Variants in FASTKD1 observed in about 807,000 individuals in gnomAD.
FASTKD1 encodes FAST kinase domains 1.
FASTKD1 carries 94 observed loss-of-function variants against 90.9 expected under a neutral mutation model. The ratio of observed to expected loss-of-function variants is 1.03; its 90% CI spans 0.88 to 1.23. The LOEUF (loss-of-function observed/expected upper bound fraction) is 1.23. FASTKD1 is among the 50% of genes most tolerant of loss of function. The pLI is 0.00. For synonymous variants in FASTKD1, 319 were observed against 345.8 expected, an observed-to-expected ratio of 0.92 and a Z score of 0.86; for missense variants, 945 against 993.5, an observed-to-expected ratio of 0.95 and a Z score of 0.66.
At chr2:169,544,629 G>A (rs964652256) in intron 9 of FASTKD1, 92 bp downstream of exon 9, 1 of 738,568 alleles carries the variant, frequency 1.4e-6, no homozygotes, top group African/African-American at 1.8e-5. Context: ...GTCTATTATG[G>A]TTACCCTTTA....
chr2:169,533,220 T>A (rs1684567762), intron 12 of FASTKD1, among the ~76,000 whole-genome samples: 1 of 152,190 alleles, frequency 6.6e-6, no homozygotes, highest in Non-Finnish European at 1.5e-5. Flanking sequence ...TTATTAATGG[T>A]TATAGGATGA....
At position 169,530,653 on chromosome 2, in the gene FASTKD1, AG is replaced by A; in HGVS notation, c.2375del (p.Pro792LeufsTer3). On this transcript the variant is annotated frameshift_variant, in exon 14 of 15. Transcript: ENST00000453153. LOFTEE classifies it high-confidence loss of function. ...TCATAGCAGATTTTCCTTTCATGTGAGGGATATTTCTACAAAGTGCTTTTGA... is the reference window on the plus strand; with the variant it reads ...TCATAGCAGATTTTCCTTTCATGTGAGGATATTTCTACAAAGTGCTTTTGA... ...LDSKALCRNI[P>X]HMKGKSAMKK... The A allele has an allele frequency of 6.2e-7, 1 of 1,610,308 alleles. No homozygotes were observed. The highest frequency in any genetic ancestry group is 8.5e-7 in the Non-Finnish European group (1 of 1,178,906).
At chr2:169,542,334 C>T (rs991009542) in intron 9 of FASTKD1, among the ~76,000 whole-genome samples, 1 of 152,144 alleles carries the variant, frequency 6.6e-6, no homozygotes, top group Admixed American at 6.5e-5. Context: ...TCTAAAGCTT[C>T]TATATCATAC....
At position 169,529,920 on chromosome 2, in the gene FASTKD1, G is replaced by T; in HGVS notation, c.2449C>A (p.Gln817Lys). Reference sequence around the variant, plus strand: ...AGTGCCATAGAGTTCCATTCAAACTGGGAAATCTGAAAATAAGTAATGTTG... The same window carrying T: ...AGTGCCATAGAGTTCCATTCAAACTTGGAAATCTGAAAATAAGTAATGTTG... The part of the protein sequence containing the change: ...ILGYRVIQIS[Q>K]FEWNSMALST... The change falls in exon 15 of 15, where the codon CAG becomes AAG. Residue 817 changes from glutamine to lysine, a missense_variant. Transcript: ENST00000453153. 6.2e-7 allele frequency: 1 copy of T among 1,605,154 alleles called. No individual in the cohort carries two copies.
At chr2:169,548,528 C>G (rs1184127948) in intron 7 of FASTKD1, among the ~76,000 whole-genome samples, 2 of 150,656 alleles carry the variant, frequency 1.3e-5, no homozygotes, top group Admixed American at 6.6e-5. Context: ...CTCAGAAGTT[C>G]GAGACTAGCC....
At chr2:169,565,249 CTTTTTTTTTTTTTTTTTT>C (rs71003101) in intron 3 of FASTKD1, among the ~76,000 whole-genome samples, 2 of 26,518 alleles carry the variant, frequency 7.5e-5, no homozygotes, top group Non-Finnish European at 1.5e-4. Context: ...CCACACCAGG[CTTTTTTTTTTTTTTTTTT>C]TTTTTTTTTT....
intron 7 of FASTKD1, among the ~76,000 whole-genome samples, chr2:169,553,109 A>T (rs1413689172): frequency 1.3e-5 from 2 of 151,920 alleles, no homozygotes; most frequent in Admixed American, 1.3e-4. Context: ...TGGGAGGCTG[A>T]CAGGAAAATC....
Position 169,546,330 on chromosome 2 carries a change from T to C in FASTKD1, c.1589A>G (p.Asp530Gly), listed in dbSNP as rs1399045281. 1 of 1,614,076 alleles carries C rather than the reference T, an allele frequency of 6.2e-7. No homozygotes were observed. Among genetic ancestry groups the C allele is most frequent in the Non-Finnish European group, 8.5e-7 (1 of 1,179,980 alleles). ...MIATLQHFMD[D>G]INYINVGEIA... ...CTCCCCAACATTTATGTAATTAATATCATCCATGAAATGCTGTAAAGTAGC... is the reference window on the plus strand; with the variant it reads ...CTCCCCAACATTTATGTAATTAATACCATCCATGAAATGCTGTAAAGTAGC... The change falls in exon 8 of 15, where the codon GAT becomes GGT. Residue 530 changes from aspartate to glycine, a missense_variant. Coordinates refer to ENST00000453153, the MANE Select transcript of FASTKD1 (RefSeq NM_024622.6).
At chr2:169,552,991 G>A (rs1685559944) in intron 7 of FASTKD1, among the ~76,000 whole-genome samples, 1 of 152,090 alleles carries the variant, frequency 6.6e-6, no homozygotes, top group Non-Finnish European at 1.5e-5. Context: ...CGGATCACTT[G>A]AGGTCAGGAG....
chr2:169,551,668 G>A (rs1351196609), intron 7 of FASTKD1, among the ~76,000 whole-genome samples: 2 of 152,068 alleles, frequency 1.3e-5, no homozygotes, highest in Admixed American at 6.5e-5. Context: ...GTGGTAGCAC[G>A]TGCCTGTAGT....
chr2:169,556,535 C>A (rs1163283795), intron 6 of FASTKD1, among the ~76,000 whole-genome samples: 1 of 151,294 alleles, frequency 6.6e-6, no homozygotes, highest in South Asian at 2.1e-4. Flanking sequence ...TCAAGACCAG[C>A]CTGGAGGGCT....
chr2:169,550,268 C>T (rs1574388735), intron 7 of FASTKD1, among the ~76,000 whole-genome samples: 1 of 152,004 alleles, frequency 6.6e-6, no homozygotes, highest in East Asian at 1.9e-4. Flanking sequence ...GGGTATCAAC[C>T]AGCCATTATA....
At chr2:169,550,335 G>T (rs1685432026) in intron 7 of FASTKD1, among the ~76,000 whole-genome samples, 1 of 151,668 alleles carries the variant, frequency 6.6e-6, no homozygotes, top group Non-Finnish European at 1.5e-5. Context: ...AAGGTAAAAT[G>T]GCCAAAAACA....
Position 169,557,316 on chromosome 2 carries a change from AAG to A in FASTKD1, c.972-21_972-20del. ...TTTAAGTCTAGAAGCAAAAAAAAAA[AAG>A]TTTTTGGTTGAAAGACTGAAAATTA... On this transcript the variant is annotated intron_variant, in intron 5 of 14. Coordinates refer to ENST00000453153, the MANE Select transcript of FASTKD1 (RefSeq NM_024622.6). The A allele has an allele frequency of 2.0e-6, 3 of 1,476,122 alleles. No homozygotes were observed. The highest frequency in any genetic ancestry group is 2.9e-5 in the African/African-American group (2 of 69,786). The allele number at this position is 1,476,122 out of a possible 1,614,324, so 91.4% of individuals were successfully genotyped here. A position where few individuals can be genotyped will look rare whatever the true frequency, so the allele number is the denominator to read the frequency against.
In FASTKD1 at chr2:169,546,252, C is replaced by CTAG; in HGVS notation, c.1666_1667insCTA (p.Asp555_Arg556insThr). Reference sequence around the variant, plus strand: ...CTGCTGAACAGCCACTGAGGCTATCCTATCTAGTAGCAAAGTACTGAGGTA... The same window carrying CTAG: ...CTGCTGAACAGCCACTGAGGCTATCCTAGTATCTAGTAGCAAAGTACTGAGGTA... On this transcript the variant is annotated inframe_insertion, in exon 8 of 15. Transcript: ENST00000453153. 5 of 1,603,402 alleles carry CTAG rather than the reference C, an allele frequency of 3.1e-6. No homozygotes were observed. The highest frequency in any genetic ancestry group is 4.3e-6 in the Non-Finnish European group (5 of 1,173,694).
intron 3 of FASTKD1, 151 bp downstream of exon 3, chr2:169,569,033 A>G (rs1036096392): frequency 4.4e-6 from 3 of 688,066 alleles, no homozygotes; most frequent in Admixed American, 2.7e-5. Context: ...ACATTACACA[A>G]TCAAAAACTT....
intron 4 of FASTKD1, 133 bp from the exon 5 acceptor site, chr2:169,560,918 A>C: frequency 1.6e-6 from 1 of 630,100 alleles, no homozygotes; most frequent in East Asian, 3.6e-5. Context: ...CCTGGGCTTA[A>C]GCAATCCTCC....
intron 7 of FASTKD1, among the ~76,000 whole-genome samples, chr2:169,551,171 G>A (rs1685474299): frequency 6.6e-6 from 1 of 152,206 alleles, no homozygotes; most frequent in East Asian, 1.9e-4. Flanking sequence ...ATAGGAATGT[G>A]TACATTCTGT....
intron 5 of FASTKD1, among the ~76,000 whole-genome samples, chr2:169,559,560 G>C (rs1340464291): frequency 2.0e-5 from 3 of 152,190 alleles, no homozygotes; most frequent in Non-Finnish European, 4.4e-5. Context: ...TGGGAATCTA[G>C]GTGGGCACCA....
Sources: allele counts gnomAD v4.1 joint callset (sites outside exome capture counted in the v4.1 genomes callset), GRCh38; gene constraint gnomAD v4.1.1; transcripts MANE v1.5; gene names NCBI Gene and HGNC (gene_info 2026-07-23, HGNC 2026-07-21).